The following SLC7A7 variants were observed in gnomAD, a reference collection of about 807,000 sequenced individuals.
SLC7A7 encodes the protein solute carrier family 7 member 7, also known as Y+L amino acid transporter 1.
SLC7A7 carries 39 observed loss-of-function variants against 47.9 expected under a neutral mutation model. The ratio of observed to expected loss-of-function variants is 0.81; its 90% CI spans 0.63 to 1.06. The LOEUF (loss-of-function observed/expected upper bound fraction) is 1.06, where lower values mean the gene tolerates loss of function less well. Ranked by LOEUF, SLC7A7 falls within the 50% of genes least tolerant of loss-of-function variation. The probability of loss-of-function intolerance (pLI) is 0.00; values close to 1 mark genes in which losing one functional copy is unlikely to be tolerated. For synonymous variants in SLC7A7, 234 were observed against 242.8 expected, an observed-to-expected ratio of 0.96 and a Z score of 0.34; for missense variants, 588 against 632.0, an observed-to-expected ratio of 0.93 and a Z score of 0.75.
intron 2 of SLC7A7, among the ~76,000 whole-genome samples, chr14:22,797,664 G>A (rs76419419): frequency 0.012 from 1,816 of 152,202 alleles, 36 homozygotes; most frequent in African/African-American, 0.041. Context: ...CTGCTGGGGT[G>A]GGGGAGGGGA....
chr14:22,802,264 G>A (rs1224973954), intron 2 of SLC7A7, among the ~76,000 whole-genome samples: 10 of 151,950 alleles, frequency 6.6e-5, no homozygotes, highest in East Asian at 1.9e-4. Context: ...TTAGCAGGGC[G>A]GGGTGACATG....
At chr14:22,791,920 C>T (rs1299447069) in intron 2 of SLC7A7, among the ~76,000 whole-genome samples, 2 of 150,632 alleles carry the variant, frequency 1.3e-5, no homozygotes, top group African/African-American at 2.4e-5. Context: ...CTGCAAGCTC[C>T]GCCTCCTGGG....
chr14:22,801,755 C>A (rs1242377194), intron 2 of SLC7A7, among the ~76,000 whole-genome samples: 1 of 152,090 alleles, frequency 6.6e-6, no homozygotes, highest in East Asian at 1.9e-4. Flanking sequence ...AGCCTGGTGA[C>A]AGAGCGAGAC....
Position 22,773,711 on chromosome 14 carries a change from C to T in SLC7A7, c.1435G>A (p.Ala479Thr). The change falls in exon 10 of 10, where the codon GCC becomes ACC. Residue 479 changes from alanine to threonine, a missense_variant. Coordinates refer to ENST00000674313, the MANE Select transcript of SLC7A7 (RefSeq NM_003982.4). ...PLYLRRIVGSATRYLQVLCMS... is the reference protein window; with the variant it reads ...PLYLRRIVGSTTRYLQVLCMS... The stretch of plus-strand genomic sequence containing the variant: ...CACAGGACCTGGAGGTACCTTGTGG[C>T]AGACCCTACAAAGAGAACTTTGAGT... 6.2e-7 allele frequency: 1 copy of T among 1,614,114 alleles called. No individual in the cohort carries two copies. The highest frequency in any genetic ancestry group is 8.5e-7 in the Non-Finnish European group (1 of 1,179,990).
At chr14:22,789,921 A>T (rs2038895050) in intron 2 of SLC7A7, among the ~76,000 whole-genome samples, 1 of 152,190 alleles carries the variant, frequency 6.6e-6, no homozygotes, top group Non-Finnish European at 1.5e-5. Flanking sequence ...GTGCTACTTC[A>T]TATTAGCCCA....
In SLC7A7 at chr14:22,789,559, C is replaced by T. The variant is rs545603958; in HGVS notation, c.500-9508G>A. Among the ~76,000 whole-genome samples, 14 of 146,966 alleles carry T rather than the reference C, an allele frequency of 9.5e-5. No individual in the cohort carries two copies. In the South Asian group the frequency reaches 2.8e-3, roughly 29 times the overall value. ...AGGAGAATTGCTTGAACCCAGGAGG[C>T]GGAGGTTGCAGTGAGCCAAGATCAC... On this transcript the variant is annotated intron_variant, in intron 2 of 9. Coordinates refer to ENST00000674313, the MANE Select transcript of SLC7A7 (RefSeq NM_003982.4).
chr14:22,789,423 AC>A (rs2038883171), intron 2 of SLC7A7, among the ~76,000 whole-genome samples: 1 of 152,096 alleles, frequency 6.6e-6, no homozygotes, highest in Non-Finnish European at 1.5e-5. Flanking sequence ...ATTCTAACCA[AC>A]ATGAGTCAGC....
At chr14:22,798,043 C>T (rs1045920194) in intron 2 of SLC7A7, among the ~76,000 whole-genome samples, 3 of 152,174 alleles carry the variant, frequency 2.0e-5, no homozygotes, top group African/African-American at 4.8e-5. Context: ...TGCCTGTAAT[C>T]CCAGCAATTT....
chr14:22,781,741 C>A (rs2038723192), intron 2 of SLC7A7, among the ~76,000 whole-genome samples: 1 of 152,216 alleles, frequency 6.6e-6, no homozygotes, highest in Non-Finnish European at 1.5e-5. Context: ...TTCTCCCCAG[C>A]TTGTAACCTC....
At chr14:22,786,462 T>C (rs759386113) in intron 2 of SLC7A7, among the ~76,000 whole-genome samples, 1 of 152,194 alleles carries the variant, frequency 6.6e-6, no homozygotes, top group Non-Finnish European at 1.5e-5. Context: ...ACTTTGTCAT[T>C]TACTGCATAT....
Position 22,810,799 on chromosome 14 carries a change from GAA to G in SLC7A7, c.499+2099_499+2100del, listed in dbSNP as rs1271909912. Among the ~76,000 whole-genome samples, 3 of 152,196 alleles carry G rather than the reference GAA, an allele frequency of 2.0e-5. No individual in the cohort carries two copies. The East Asian group carries it at 5.8e-4, about 29-fold the overall frequency. Reference sequence around the variant, plus strand: ...TCAAGACCAGCCTGACCAACATGGAGAAACCCTGTCTCTAATAAAAATACAAA... The same window carrying G: ...TCAAGACCAGCCTGACCAACATGGAGACCCTGTCTCTAATAAAAATACAAA... On this transcript the variant is annotated intron_variant, in intron 2 of 9. Transcript: ENST00000674313.
At chr14:22,805,152 G>T (rs1214943506) in intron 2 of SLC7A7, among the ~76,000 whole-genome samples, 2 of 149,714 alleles carry the variant, frequency 1.3e-5, no homozygotes, top group African/African-American at 4.9e-5. Flanking sequence ...TGGACCACAA[G>T]GTCAGGAGTT....
At chr14:22,815,100 C>A in intron 1 of SLC7A7, 1 of 349,240 alleles carries the variant, frequency 2.9e-6, no homozygotes, top group South Asian at 2.2e-5. Context: ...AGAGATATCA[C>A]CCCGAGCCAA....
rs116545007 is a variant in SLC7A7 at position 22,810,624 on chromosome 14, A to C, written c.499+2276T>G. Reference sequence around the variant, plus strand: ...AATAGATCCTAAAATTAGTTTTGCCAGTAAGCAACCTACCAGATCATCTGC... The same window carrying C: ...AATAGATCCTAAAATTAGTTTTGCCCGTAAGCAACCTACCAGATCATCTGC... On this transcript the variant is annotated intron_variant, in intron 2 of 9. Coordinates refer to ENST00000674313, the MANE Select transcript of SLC7A7 (RefSeq NM_003982.4). Among the ~76,000 whole-genome samples the C allele has an allele frequency of 5.4e-3, 826 of 152,330 alleles. 3 individuals carry two copies. Among genetic ancestry groups the C allele is most frequent in the African/African-American group, 0.019 (797 of 41,570 alleles).
At chr14:22,782,281 T>G (rs1373819795) in intron 2 of SLC7A7, among the ~76,000 whole-genome samples, 2 of 151,276 alleles carry the variant, frequency 1.3e-5, no homozygotes, top group African/African-American at 4.9e-5. Context: ...TTTTATATTT[T>G]TAGTAGAGAT....
At chr14:22,789,858 C>G (rs2038893926) in intron 2 of SLC7A7, among the ~76,000 whole-genome samples, 1 of 151,988 alleles carries the variant, frequency 6.6e-6, no homozygotes, top group Non-Finnish European at 1.5e-5. Flanking sequence ...ACTCTAGAAG[C>G]TGGGAAAGGC....
chr14:22,799,448 CTTTTTT>C (rs56375225), intron 2 of SLC7A7, among the ~76,000 whole-genome samples: 2 of 76,170 alleles, frequency 2.6e-5, no homozygotes, highest in African/African-American at 5.2e-5. Flanking sequence ...TTTTTTCTTT[CTTTTTT>C]TTTTTTTTTT....
chr14:22,811,760 G>A (rs2039309150), intron 2 of SLC7A7, among the ~76,000 whole-genome samples: 2 of 150,282 alleles, frequency 1.3e-5, no homozygotes, highest in Admixed American at 1.3e-4. Context: ...GCTGAGGCAG[G>A]AGAATCACTT....
Position 22,790,342 on chromosome 14 carries a change from A to C in SLC7A7, c.500-10291T>G, listed in dbSNP as rs1007740687. On this transcript the variant is annotated intron_variant, in intron 2 of 9. Coordinates refer to ENST00000674313, the MANE Select transcript of SLC7A7 (RefSeq NM_003982.4). ...AAGACTGTCTCAAAAAAAAAAAAAA[A>C]AAAAAAAAAAAAACCTAACTGCAGG... is the stretch of plus-strand genomic sequence containing the variant. Among the ~76,000 whole-genome samples, 312 of 151,702 alleles carry C rather than the reference A, an allele frequency of 2.1e-3. 1 individual carries two copies. The highest frequency in any genetic ancestry group is 7.1e-3 in the African/African-American group (292 of 41,304).
Sources: gnomAD v4.1 joint callset for allele counts (sites outside exome capture counted in the v4.1 genomes callset) on GRCh38, gnomAD v4.1.1 for gene constraint, MANE v1.5 for transcripts, NCBI Gene and HGNC (gene_info 2026-07-23, HGNC 2026-07-21) for gene names.